SH3YL1: variants seen among roughly 807,000 people sequenced by gnomAD.
The protein encoded by SH3YL1 is SH3 and SYLF domain containing 1.
Under a neutral mutation model 45.8 loss-of-function variants are expected in SH3YL1, and 41 were observed. The observed-to-expected ratio is 0.89, with a 90% CI of 0.70 to 1.16. The LOEUF (loss-of-function observed/expected upper bound fraction) is 1.16. SH3YL1 is among the 50% of genes most tolerant of loss of function. SH3YL1 has a pLI of 0.00. For synonymous variants in SH3YL1, 152 were observed against 151.4 expected (o/e 1.00, Z -0.03); for missense variants, 389 against 409.6 (o/e 0.95, Z 0.43).
chr2:250,385 A>T (rs1669024415), intron 2 of SH3YL1, among the ~76,000 whole-genome samples: 2 of 152,232 alleles, frequency 1.3e-5, no homozygotes, highest in African/African-American at 2.4e-5. Context: ...AACATTTTCA[A>T]CTTTATAAAA....
intron 2 of SH3YL1, 72 bp from the exon 3 acceptor site, chr2:249,916 A>G (rs1292027046): frequency 3.8e-6 from 4 of 1,062,012 alleles, no homozygotes; most frequent in Non-Finnish European, 5.7e-6. Context: ...CAAGTGTTAA[A>G]CAGAGTCAGT....
chr2:241,696 T>C lies in SH3YL1; in HGVS notation c.291+5842A>G, dbSNP rs868277375. ...AAGGAACCCCAATTAGAATAATAGA[T>C]AGATTTCTCTTCAAAAACAGTAGAC... is the stretch of plus-strand genomic sequence containing the variant. On this transcript the variant is annotated intron_variant, in intron 4 of 9. Transcript: ENST00000356150. 2.6e-5 allele frequency: 4 copies of C among 152,204 alleles called. No homozygotes were observed. The South Asian group carries it at 6.2e-4, about 24-fold the overall frequency. 9.4% of individuals were successfully genotyped at this position (152,204 alleles called of 1,614,324 possible). A position where few individuals can be genotyped will look rare whatever the true frequency, so the allele number is the denominator to read the frequency against.
chr2:258,222 T>G (rs750134592), intron 1 of SH3YL1, among the ~76,000 whole-genome samples: 1 of 152,216 alleles, frequency 6.6e-6, no homozygotes, highest in Non-Finnish European at 1.5e-5. Context: ...GGAATAGTAT[T>G]GAATCTATAA....
chr2:246,654 G>C (rs1282236529), intron 4 of SH3YL1, among the ~76,000 whole-genome samples: 1 of 152,054 alleles, frequency 6.6e-6, no homozygotes, highest in Non-Finnish European at 1.5e-5. Context: ...CACAATCACT[G>C]ATGAAAATGC....
intron 8 of SH3YL1, among the ~76,000 whole-genome samples, chr2:229,227 A>T (rs934580492): frequency 6.6e-6 from 1 of 152,220 alleles, no homozygotes; most frequent in African/African-American, 2.4e-5. Context: ...TATAAATGTC[A>T]TCTAGTTTAA....
chr2:220,875 G>C (rs1667539371), intron 9 of SH3YL1, among the ~76,000 whole-genome samples: 1 of 152,186 alleles, frequency 6.6e-6, no homozygotes, highest in African/African-American at 2.4e-5. Flanking sequence ...GAGTGCTTGT[G>C]AACATCAGGG....
intron 4 of SH3YL1, among the ~76,000 whole-genome samples, chr2:238,736 T>C (rs888153427): frequency 1.3e-5 from 2 of 152,184 alleles, no homozygotes; most frequent in South Asian, 2.1e-4. Context: ...AAATGTAGCA[T>C]TGTCTTTCCT....
intron 4 of SH3YL1, among the ~76,000 whole-genome samples, chr2:243,779 A>C (rs986723566): frequency 6.6e-6 from 1 of 152,148 alleles, no homozygotes; most frequent in Admixed American, 6.5e-5. Flanking sequence ...CATATCTGAC[A>C]ACCACACACT....
At chr2:238,135 T>TAAGAAAG (rs1235336272) in intron 4 of SH3YL1, among the ~76,000 whole-genome samples, 1 of 152,144 alleles carries the variant, frequency 6.6e-6, no homozygotes, top group Non-Finnish European at 1.5e-5. Context: ...GACAACCCGC[T>TAAGAAAG]AAGAAAGCTG....
Position 233,206 on chromosome 2 carries a change from AG to A in SH3YL1, c.427del (p.Leu143Ter). ...CGTGAAGACGGCAGCGGAGCTTCTC[AG>A]GGCCACGTTTCCTTCCAAGTTCCTG... ...LGRNLEGNVA[L>X]RSSAAVFTYC... On this transcript the variant is annotated frameshift_variant, in exon 6 of 10. Coordinates refer to ENST00000356150, the MANE Select transcript of SH3YL1 (RefSeq NM_015677.4). LOFTEE classifies it high-confidence loss of function. The A allele has an allele frequency of 6.3e-7, 1 of 1,580,978 alleles. No homozygotes were observed. The highest frequency in any genetic ancestry group is 8.6e-7 in the Non-Finnish European group (1 of 1,162,106).
intron 8 of SH3YL1, among the ~76,000 whole-genome samples, chr2:228,759 G>C (rs892166731): frequency 2.6e-5 from 4 of 152,256 alleles, no homozygotes; most frequent in African/African-American, 9.6e-5. Context: ...ATGAGGAATA[G>C]GCCTGGTTCC....
intron 4 of SH3YL1, chr2:242,778 C>G (rs115242950): frequency 6.5e-7 from 1 of 1,535,636 alleles, no homozygotes; most frequent in Non-Finnish European, 8.8e-7. Flanking sequence ...ATAGGAGACA[C>G]GCTTTAGATT....
At chr2:224,753 T>C in intron 9 of SH3YL1, 111 bp downstream of exon 9, 1 of 794,174 alleles carries the variant, frequency 1.3e-6, no homozygotes, top group Admixed American at 2.2e-5. Flanking sequence ...TTCTATAAAT[T>C]AAAGGGCTGA....
Position 218,440 on chromosome 2 carries a change from C to G in SH3YL1, c.*371G>C, listed in dbSNP as rs1667439261. ...AAGCTGATTTCTTTTTCTCTAGTCA[C>G]TTTGCAAATGGAAATGTAAGAATTG... On this transcript the variant is annotated 3_prime_UTR_variant, in exon 10 of 10. Transcript: ENST00000356150. The G allele has an allele frequency of 6.0e-6, 1 of 167,586 alleles. No individual in the cohort carries two copies. The highest frequency in any genetic ancestry group is 2.4e-5 in the African/African-American group (1 of 42,064). 10.4% of individuals were successfully genotyped at this position (167,586 alleles called of 1,614,324 possible).
intron 2 of SH3YL1, among the ~76,000 whole-genome samples, chr2:250,177 G>T (rs1396374883): frequency 6.6e-6 from 1 of 152,048 alleles, no homozygotes; most frequent in Non-Finnish European, 1.5e-5. Context: ...ATTAATTTAG[G>T]ATATAGTACA....
intron 4 of SH3YL1, chr2:241,688 A>C (rs1168165433): frequency 6.6e-6 from 1 of 152,158 alleles, no homozygotes; most frequent in East Asian, 1.9e-4. Context: ...CCCAATTAGA[A>C]TAATAGATAG....
chr2:245,689 T>C (rs150785831), intron 4 of SH3YL1, among the ~76,000 whole-genome samples: 17 of 152,122 alleles, frequency 1.1e-4, no homozygotes, highest in Non-Finnish European at 2.2e-4. Context: ...TGTCTCGTAT[T>C]GTCTTTTAAA....
At chr2:248,660 G>A (rs1668941824) in intron 3 of SH3YL1, among the ~76,000 whole-genome samples, 1 of 152,158 alleles carries the variant, frequency 6.6e-6, no homozygotes, top group African/African-American at 2.4e-5. Flanking sequence ...TGGTCAGCAA[G>A]TCACCCCATC....
intron 9 of SH3YL1, among the ~76,000 whole-genome samples, chr2:219,932 G>A (rs149092004): frequency 4.7e-4 from 72 of 152,176 alleles, no homozygotes; most frequent in African/African-American, 1.5e-3. Context: ...AATGCAATGT[G>A]TATATCCATG....
Sources: gnomAD v4.1 joint callset for allele counts (sites outside exome capture counted in the v4.1 genomes callset) on GRCh38, gnomAD v4.1.1 for gene constraint, MANE v1.5 for transcripts, NCBI Gene and HGNC (gene_info 2026-07-23, HGNC 2026-07-21) for gene names.